LMOD2: variants seen among roughly 807,000 people sequenced by gnomAD.
LMOD2 encodes the protein leiomodin 2.
A neutral mutation model predicts 41.7 loss-of-function variants in LMOD2; 27 were observed. The observed-to-expected ratio is 0.65, with a 90% CI of 0.48 to 0.89. The LOEUF (loss-of-function observed/expected upper bound fraction) is 0.89. Among genes scored for constraint, LMOD2 ranks in the 40% least tolerant of loss-of-function variants. The pLI, the probability that LMOD2 is intolerant of heterozygous loss-of-function variation, is 0.00. For missense variants in LMOD2, 624 were observed against 667.9 expected (o/e 0.93, Z 0.72); for synonymous variants, 251 against 244.6 (o/e 1.03, Z -0.25).
At position 123,663,217 on chromosome 7, in the gene LMOD2, G is replaced by A. The variant is rs1254629844; in HGVS notation, c.1617+14G>A. The stretch of plus-strand genomic sequence containing the variant: ...CAGCTAAAGCGGGTAAGTAACCAGA[G>A]AACAGACATAGGGGCACAGATAAAG... On this transcript the variant is annotated intron_variant, in intron 2 of 2. Transcript: ENST00000458573. 6.4e-7 allele frequency: 1 copy of A among 1,557,022 alleles called. No individual in the cohort carries two copies. Among genetic ancestry groups the A allele is most frequent in the South Asian group, 1.2e-5 (1 of 83,658 alleles).
Position 123,662,235 on chromosome 7 carries a change from A to C in LMOD2, c.649A>C (p.Asn217His). 1 of 1,614,032 alleles carries C rather than the reference A, an allele frequency of 6.2e-7. No individual in the cohort carries two copies. The highest frequency in any genetic ancestry group is 1.3e-5 in the African/African-American group (1 of 75,046). Residue 217 changes from asparagine (N) to histidine (H), a missense_variant, in exon 2 of 3, where the codon AAT becomes CAT. By Grantham distance (68) the Asn-to-His change is moderately conservative. Transcript: ENST00000458573. This position sits in a 1 kb window ranked among gnomAD's most constrained non-coding sequence, Gnocchi z 4.0. ...CAATGACCCTGACACCACAGAAGTC[A>C]ATTTGAACAACATTGAGAACATCAC... ...KSNDPDTTEV[N>H]LNNIENITTQ...
Position 123,658,220 on chromosome 7 carries a change from T to G in LMOD2, c.273+1984T>G, listed in dbSNP as rs559613429. ...TCAATTAGAGAGGCTGCTGTGTTGA[T>G]GGACTTCGGTTCCTTTCTAGGCTAT... is the stretch of plus-strand genomic sequence containing the variant. On this transcript the variant is annotated intron_variant, in intron 1 of 2. Coordinates refer to ENST00000458573, the MANE Select transcript of LMOD2 (RefSeq NM_207163.3). Among the ~76,000 whole-genome samples, 9 of 152,278 alleles carry G rather than the reference T, an allele frequency of 5.9e-5. No individual in the cohort carries two copies. In the South Asian group the frequency reaches 1.2e-3, roughly 21 times the overall value.
rs1471787457 is a variant in LMOD2, at chr7:123,663,077, A to G, written c.1491A>G (p.Lys497=). The G allele has an allele frequency of 6.4e-7, 1 of 1,559,082 alleles. No individual in the cohort carries two copies. Among genetic ancestry groups the G allele is most frequent in the Admixed American group, 1.9e-5 (1 of 51,550 alleles). The change falls in exon 2 of 3, where the codon AAA becomes AAG. Residue 497 remains lysine (K), a synonymous_variant. Coordinates refer to ENST00000458573, the MANE Select transcript of LMOD2 (RefSeq NM_207163.3). ...CAAACAGTATTCTAAAGGAAATAAA[A>G]AATTCTCTGAGGTCAGTGCAAGAGA... ...KQPNSILKEI[K]NSLRSVQEKK...
intron 2 of LMOD2, 181 bp from the exon 3 acceptor site, chr7:123,663,538 A>G: frequency 1.6e-6 from 1 of 624,928 alleles, no homozygotes; most frequent in Non-Finnish European, 2.8e-6. Flanking sequence ...TTTACCACAG[A>G]GTTGTGACTG....
At position 123,663,898 on chromosome 7, in the gene LMOD2, A is replaced by ATGCTG; in HGVS notation, c.*153_*154insTGCTG. On this transcript the variant is annotated 3_prime_UTR_variant, in exon 3 of 3. Transcript: ENST00000458573. Reference sequence around the variant, plus strand: ...AATTCCAAAGAGAATCTTAAGAAACAATCAGCATGTTTCTTCTGTAAATAT... The same window carrying ATGCTG: ...AATTCCAAAGAGAATCTTAAGAAACATGCTGATCAGCATGTTTCTTCTGTAAATAT... 4.7e-6 allele frequency: 3 copies of ATGCTG among 639,286 alleles called. No individual in the cohort carries two copies. Among genetic ancestry groups the ATGCTG allele is most frequent in the Non-Finnish European group, 8.0e-6 (3 of 376,882 alleles). 39.6% of individuals were successfully genotyped at this position (639,286 alleles called of 1,614,324 possible). A position where few individuals can be genotyped will look rare whatever the true frequency, so the allele number is the denominator to read the frequency against.
Position 123,662,309 on chromosome 7 carries a change from G to A in LMOD2, c.723G>A (p.Val241=). The A allele has an allele frequency of 6.2e-7, 1 of 1,613,970 alleles. No individual in the cohort carries two copies. Among genetic ancestry groups the A allele is most frequent in the Non-Finnish European group, 8.5e-7 (1 of 1,179,882 alleles). The change falls in exon 2 of 3, where the codon GTG becomes GTA. Residue 241 remains valine, a synonymous_variant. Coordinates refer to ENST00000458573, the MANE Select transcript of LMOD2 (RefSeq NM_207163.3). This position sits in a 1 kb window ranked among gnomAD's most constrained non-coding sequence, Gnocchi z 4.0. ...CTGAAGCCCTCAAGGACAACACTGT[G>A]GTGAAGACGTTCAGTCTGGCCAACA... is the stretch of plus-strand genomic sequence containing the variant. ...RFAEALKDNT[V]VKTFSLANTH...
chr7:123,655,867 G>C lies in LMOD2; in HGVS notation c.-97G>C. On this transcript the variant is annotated 5_prime_UTR_variant, in exon 1 of 3. Transcript: ENST00000458573. Reference sequence around the variant, plus strand: ...GCTCCCACAGCCACTCCTAGCACCAGTTGTTGACCAGCCTGCCACTTGCCT... The same window carrying C: ...GCTCCCACAGCCACTCCTAGCACCACTTGTTGACCAGCCTGCCACTTGCCT... 8.8e-7 allele frequency: 1 copy of C among 1,132,274 alleles called. No homozygotes were observed. Among genetic ancestry groups the C allele is most frequent in the Admixed American group, 2.2e-5 (1 of 45,436 alleles). The allele number at this position is 1,132,274 out of a possible 1,614,324, so 70.1% of individuals were successfully genotyped here.
chr7:123,659,645 C>A (rs1802842429), intron 1 of LMOD2, among the ~76,000 whole-genome samples: 1 of 152,160 alleles, frequency 6.6e-6, no homozygotes, highest in African/African-American at 2.4e-5. Context: ...CTACTACATG[C>A]TAAGCACTGT....
At chr7:123,657,620 T>A (rs1164226605) in intron 1 of LMOD2, among the ~76,000 whole-genome samples, 1 of 152,070 alleles carries the variant, frequency 6.6e-6, no homozygotes, top group Non-Finnish European at 1.5e-5. Flanking sequence ...TTTGATGTGA[T>A]AATGAGCATC....
chr7:123,663,684 TTG>T, intron 2 of LMOD2, 33 bp from the exon 3 acceptor site: 1 of 1,555,286 alleles, frequency 6.4e-7, no homozygotes, highest in Non-Finnish European at 8.7e-7. Flanking sequence ...ATCATGTGTG[TTG>T]TTTCATTGAG....
chr7:123,658,557 C>T (rs1411441615), intron 1 of LMOD2, among the ~76,000 whole-genome samples: 1 of 152,230 alleles, frequency 6.6e-6, no homozygotes, highest in Non-Finnish European at 1.5e-5. Context: ...ACTTATGCCG[C>T]ATTGGGGCTC....
chr7:123,663,653 T>G (rs1802927301), intron 2 of LMOD2, 66 bp from the exon 3 acceptor site: 1 of 1,348,000 alleles, frequency 7.4e-7, no homozygotes, highest in Admixed American at 2.0e-5. Context: ...TAGAGACATA[T>G]CCTACAGATA....
At chr7:123,658,872 G>T (rs1275393183) in intron 1 of LMOD2, among the ~76,000 whole-genome samples, 1 of 152,044 alleles carries the variant, frequency 6.6e-6, no homozygotes, top group Non-Finnish European at 1.5e-5. Context: ...CTGGGGATGG[G>T]GCCCAACAAT....
At position 123,656,180 on chromosome 7, in the gene LMOD2, T is replaced by G; in HGVS notation, c.217T>G (p.Trp73Gly). 6.2e-7 allele frequency: 1 copy of G among 1,610,142 alleles called. No homozygotes were observed. ...TFSREALMAY[W>G]EKESQKLLEK... ...CAGCAGAGAGGCACTGATGGCCTAT[T>G]GGGAAAAGGAGTCCCAAAAACTCTT... The change falls in exon 1 of 3, where the codon TGG (tryptophan) becomes GGG (glycine). Residue 73 changes from tryptophan (W) to glycine (G), a missense_variant. By Grantham distance (184) the Trp-to-Gly change is radical. Transcript: ENST00000458573.
rs761702076 is a variant in LMOD2 at position 123,662,525 on chromosome 7, G to A, written c.939G>A (p.Gln313=). 5.0e-6 allele frequency: 8 copies of A among 1,613,750 alleles called. No homozygotes were observed. The African/African-American group carries it at 9.3e-5, about 19-fold the overall frequency. ...ACCAGAGGCACATCATGGGCAGCCA[G>A]GTGGAAATGGAGATTGTCAAGCTGC... ...FHNQRHIMGS[Q]VEMEIVKLLK... The change falls in exon 2 of 3, where the codon CAG becomes CAA. Residue 313 remains glutamine (Q), a synonymous_variant. Coordinates refer to ENST00000458573, the MANE Select transcript of LMOD2 (RefSeq NM_207163.3). The surrounding 1 kb of genome is among the most constrained non-coding windows in gnomAD (Gnocchi z 4.0).
chr7:123,661,919 G>A lies in LMOD2; in HGVS notation c.333G>A (p.Glu111=), dbSNP rs376303726. The A allele has an allele frequency of 6.4e-6, 10 of 1,550,756 alleles. No individual in the cohort carries two copies. Among genetic ancestry groups the A allele is most frequent in the South Asian group, 1.2e-5 (1 of 83,564 alleles). ...EELIFTESNS[E]VSEEVYTEEE... The stretch of plus-strand genomic sequence containing the variant: ...TTATCTTTACTGAAAGTAACAGTGA[G>A]GTTTCTGAGGAAGTGTATACAGAGG... The change falls in exon 2 of 3, where the codon GAG becomes GAA. Residue 111 remains glutamate, a synonymous_variant. Transcript: ENST00000458573.
chr7:123,655,986 G>C lies in LMOD2; in HGVS notation c.23G>C (p.Arg8Thr). The part of the protein sequence containing the change: MSTFGYR[R>T]GLSKYESIDE... Reference sequence around the variant, plus strand: ...ACCATGTCTACCTTTGGCTACCGAAGAGGACTCAGTAAATACGAATCCATC... The same window carrying C: ...ACCATGTCTACCTTTGGCTACCGAACAGGACTCAGTAAATACGAATCCATC... Residue 8 changes from arginine to threonine, a missense_variant, in exon 1 of 3, where the codon AGA becomes ACA. Coordinates refer to ENST00000458573, the MANE Select transcript of LMOD2 (RefSeq NM_207163.3). 1.9e-6 allele frequency: 3 copies of C among 1,608,292 alleles called. No homozygotes were observed. The highest frequency in any genetic ancestry group is 2.5e-6 in the Non-Finnish European group (3 of 1,177,824).
At chr7:123,658,339 A>G (rs1339101950) in intron 1 of LMOD2, among the ~76,000 whole-genome samples, 2 of 152,204 alleles carry the variant, frequency 1.3e-5, no homozygotes, top group African/African-American at 4.8e-5. Flanking sequence ...TGCAAATCCA[A>G]TTCCCACAAC....
chr7:123,657,447 C>G (rs575768336), intron 1 of LMOD2, among the ~76,000 whole-genome samples: 19 of 152,170 alleles, frequency 1.2e-4, no homozygotes, highest in African/African-American at 4.6e-4. Context: ...GTTTTGTCCA[C>G]GTCAATCATT....
Sources: gnomAD v4.1 joint callset for allele counts (sites outside exome capture counted in the v4.1 genomes callset) on GRCh38, gnomAD v4.1.1 for gene constraint, Gnocchi (gnomAD v3.1) non-coding constraint, MANE v1.5 for transcripts, NCBI Gene and HGNC (gene_info 2026-07-23, HGNC 2026-07-21) for gene names.